The following MED12L variants were observed in gnomAD, a reference collection of about 807,000 sequenced individuals.
MED12L encodes mediator of RNA polymerase II transcription subunit 12-like protein.
In MED12L, 60 loss-of-function variants were observed where a neutral mutation model predicts 281.3. The ratio of observed to expected loss-of-function variants is 0.21; its 90% CI spans 0.17 to 0.26. The LOEUF (loss-of-function observed/expected upper bound fraction) is 0.26, where lower values mean the gene tolerates loss of function less well. Among genes scored for constraint, MED12L ranks in the 10% least tolerant of loss-of-function variants. The pLI is 1.00. For synonymous variants in MED12L, 974 were observed against 987.2 expected (o/e 0.99, Z 0.25); for missense variants, 2,146 against 2,680.9 (o/e 0.80, Z 4.41).
chr3:151,337,845 C>G, intron 16 of MED12L: 1 of 1,614,042 alleles, frequency 6.2e-7, no homozygotes. Flanking sequence ...ATTTGGGTCA[C>G]CACCATCCTG....
chr3:151,143,097 C>T (rs1321216684), intron 5 of MED12L, among the ~76,000 whole-genome samples: 3 of 152,216 alleles, frequency 2.0e-5, no homozygotes, highest in Non-Finnish European at 2.9e-5. Flanking sequence ...AGAAAAATCA[C>T]ACAGGAGTGA....
intron 16 of MED12L, among the ~76,000 whole-genome samples, chr3:151,332,027 T>A (rs1293455502): frequency 6.6e-6 from 1 of 152,174 alleles, no homozygotes; most frequent in African/African-American, 2.4e-5. Context: ...GTTCCTGATG[T>A]GTGAGAAGGA....
Position 151,350,167 on chromosome 3 carries a change from C to T in MED12L, c.2359C>T (p.Leu787=), listed in dbSNP as rs767450332. ...GCTGAAGAAGATTACCAAAGATATC[C>T]TGAAAATTCTAAATAAGAAGAGCAC... is the stretch of plus-strand genomic sequence containing the variant. ...HQLKKITKDI[L]KILNKKSTTE... is the part of the protein sequence containing the mutation. Residue 787 remains leucine, a synonymous_variant, in exon 17 of 45, where the codon CTG becomes TTG. Coordinates refer to ENST00000687756, the MANE Select transcript of MED12L (RefSeq NM_001393769.1). 3 of 1,613,676 alleles carry T rather than the reference C, an allele frequency of 1.9e-6. No individual in the cohort carries two copies. The highest frequency in any genetic ancestry group is 1.7e-5 in the Admixed American group (1 of 59,968).
rs1397830680 is a variant in MED12L at position 151,369,452 on chromosome 3, A to C, written c.3567A>C (p.Gly1189=). Residue 1189 remains glycine (G), a synonymous_variant, in exon 26 of 45, where the codon GGA becomes GGC. Transcript: ENST00000687756. ...TTTTTGTAGGCAAACCTTTCCCTGG[A>C]ATAAGATCATCTTGTGATAGACACC... ...LPQATGKPFP[G]IRSSCDRHLL... 6.2e-7 allele frequency: 1 copy of C among 1,605,972 alleles called. No homozygotes were observed.
At chr3:151,335,929 T>C (rs1254511192) in intron 16 of MED12L, among the ~76,000 whole-genome samples, 1 of 152,208 alleles carries the variant, frequency 6.6e-6, no homozygotes, top group African/African-American at 2.4e-5. Context: ...TTATTTCATC[T>C]CTTGTGGAAA....
At chr3:151,328,855 C>T in intron 16 of MED12L, 1 of 1,613,916 alleles carries the variant, frequency 6.2e-7, no homozygotes, top group Non-Finnish European at 8.5e-7. Context: ...GAACAAACAC[C>T]CACAGAGCCA....
chr3:151,342,451 C>G (rs1464802173), intron 16 of MED12L, among the ~76,000 whole-genome samples: 2 of 152,204 alleles, frequency 1.3e-5, no homozygotes, highest in Admixed American at 6.5e-5. Flanking sequence ...AGCAGCAGCT[C>G]TGCATCACTT....
intron 39 of MED12L, among the ~76,000 whole-genome samples, chr3:151,401,487 A>G (rs561910484): frequency 1.1e-4 from 17 of 152,196 alleles, no homozygotes; most frequent in Admixed American, 9.8e-4. Context: ...ATTTTTCTCA[A>G]TCAGAGCAGG....
intron 16 of MED12L, among the ~76,000 whole-genome samples, chr3:151,320,602 A>G (rs900557977): frequency 3.9e-5 from 6 of 152,130 alleles, no homozygotes; most frequent in Non-Finnish European, 1.5e-5. Context: ...AATTATTTGT[A>G]TCTATCAGGT....
intron 9 of MED12L, among the ~76,000 whole-genome samples, chr3:151,164,841 G>C (rs551974620): frequency 1.3e-5 from 2 of 152,040 alleles, no homozygotes; most frequent in African/African-American, 4.8e-5. Flanking sequence ...ATCACACACC[G>C]GGGCCTGTTG....
chr3:151,329,420 C>A (rs1750093195), intron 16 of MED12L: 1 of 1,042,810 alleles, frequency 9.6e-7, no homozygotes, highest in Non-Finnish European at 1.4e-6. Flanking sequence ...CACCTTTTTT[C>A]CCTTAAGCAT....
intron 16 of MED12L, chr3:151,199,005 G>C: frequency 6.2e-7 from 1 of 1,614,092 alleles, no homozygotes; most frequent in Non-Finnish European, 8.5e-7. Flanking sequence ...GCAAATCCGG[G>C]TTCTTGTATT....
rs186817909 is a variant in MED12L at position 151,096,891 on chromosome 3, C to T, written c.99+9866C>T. Among the ~76,000 whole-genome samples the T allele has an allele frequency of 1.2e-3, 188 of 152,358 alleles. 1 individual carries two copies. The highest frequency in any genetic ancestry group is 2.3e-3 in the Admixed American group (35 of 15,306). The stretch of plus-strand genomic sequence containing the variant: ...CTCACGTTGCCCTGGAAATGAGAAT[C>T]ACTCTGCAATTTAGGGCACCCGGTG... On this transcript the variant is annotated intron_variant, in intron 2 of 44. Transcript: ENST00000687756.
At chr3:151,142,972 G>A (rs1452754069) in intron 5 of MED12L, among the ~76,000 whole-genome samples, 2 of 152,178 alleles carry the variant, frequency 1.3e-5, no homozygotes, top group African/African-American at 4.8e-5. Flanking sequence ...GGTATGCCGG[G>A]TAGAAAACAG....
chr3:151,147,187 C>A (rs752353104), intron 5 of MED12L, among the ~76,000 whole-genome samples: 13 of 152,192 alleles, frequency 8.5e-5, no homozygotes, highest in Non-Finnish European at 1.6e-4. Context: ...TGTTTCTACC[C>A]CTTATCCTCT....
chr3:151,411,910 A>G (rs1378749068), intron 41 of MED12L, among the ~76,000 whole-genome samples: 1 of 152,250 alleles, frequency 6.6e-6, no homozygotes, highest in Non-Finnish European at 1.5e-5. Context: ...TGTGATTGCA[A>G]TACTAATTGT....
At chr3:151,199,228 T>C (rs1211129709) in intron 16 of MED12L, 1 of 1,613,974 alleles carries the variant, frequency 6.2e-7, no homozygotes, top group Non-Finnish European at 8.5e-7. Flanking sequence ...GCAAATTAAT[T>C]AAGTAGATGC....
chr3:151,337,174 ATTTC>A (rs750099568), intron 16 of MED12L: 1 of 152,052 alleles, frequency 6.6e-6, no homozygotes, highest in Admixed American at 6.6e-5. Context: ...TGACTTCGAT[ATTTC>A]TTCTCTTTAT....
chr3:151,099,993 A>G lies in MED12L; in HGVS notation c.99+12968A>G, dbSNP rs373118971. Reference sequence around the variant, plus strand: ...ATAGGGATTTATGGGTACAGATACTAAGTGACCCAAAGAGACAGTTAACAT... The same window carrying G: ...ATAGGGATTTATGGGTACAGATACTGAGTGACCCAAAGAGACAGTTAACAT... On this transcript the variant is annotated intron_variant, in intron 2 of 44. Transcript: ENST00000687756. 1.3e-4 allele frequency among the ~76,000 whole-genome samples: 20 copies of G among 152,288 alleles called. No individual in the cohort carries two copies. The East Asian group carries it at 3.7e-3, about 28-fold the overall frequency.
Sources: allele counts gnomAD v4.1 joint callset (sites outside exome capture counted in the v4.1 genomes callset), GRCh38; gene constraint gnomAD v4.1.1; transcripts MANE v1.5; gene names NCBI Gene and HGNC (gene_info 2026-07-23, HGNC 2026-07-21).